NEDD9: variants seen among roughly 807,000 people sequenced by gnomAD.
NEDD9 encodes enhancer of filamentation 1.
A neutral mutation model predicts 76.6 loss-of-function variants in NEDD9; 26 were observed. That is an observed-to-expected ratio of 0.34 (90% CI 0.25 to 0.47). NEDD9 has a LOEUF of 0.47. Among genes scored for constraint, NEDD9 ranks in the 20% least tolerant of loss-of-function variants. NEDD9 has a pLI of 1.00. For missense variants in NEDD9, 937 were observed against 1,058.5 expected (o/e 0.89, Z 1.59); for synonymous variants, 392 against 414.2 (o/e 0.95, Z 0.65).
chr6:11,257,810 T>C (rs80033456), intron 3 of NEDD9, among the ~76,000 whole-genome samples: 7 of 151,292 alleles, frequency 4.6e-5, no homozygotes, highest in African/African-American at 1.7e-4. Flanking sequence ...TGTGTGTGTG[T>C]GCAGTACGGC....
chr6:11,325,021 T>C (rs1318608372), intron 2 of NEDD9, among the ~76,000 whole-genome samples: 1 of 152,194 alleles, frequency 6.6e-6, no homozygotes, highest in Non-Finnish European at 1.5e-5. Context: ...AAATTCTTCC[T>C]TACTTGTCAG....
rs1760331370 is a variant in NEDD9, at chr6:11,272,576, C to T, written c.12+33416G>A. Among the ~76,000 whole-genome samples the T allele has an allele frequency of 1.3e-5, 2 of 152,170 alleles. 1 individual carries two copies. Among genetic ancestry groups the T allele is most frequent in the South Asian group, 4.2e-4 (2 of 4,818 alleles). On this transcript the variant is annotated intron_variant, in intron 3 of 3. Transcript: ENST00000397378. ...TCATCTGATGAATTTATTTCAAGAT[C>T]GGTAACTGGGAAAATTCTCGTTTTG...
At chr6:11,312,698 A>T (rs1296379987) in intron 2 of NEDD9, among the ~76,000 whole-genome samples, 3 of 147,116 alleles carry the variant, frequency 2.0e-5, no homozygotes, top group Non-Finnish European at 4.5e-5. Context: ...TATATTATAT[A>T]TATATATATA....
intron 3 of NEDD9, among the ~76,000 whole-genome samples, chr6:11,286,033 A>G (rs1404922794): frequency 6.6e-6 from 1 of 152,208 alleles, no homozygotes; most frequent in Non-Finnish European, 1.5e-5. Context: ...TTCTAAAGAC[A>G]TTGTTATTAG....
intron 2 of NEDD9, among the ~76,000 whole-genome samples, chr6:11,312,179 CT>C (rs1561828722): frequency 2.0e-5 from 3 of 152,116 alleles, no homozygotes; most frequent in Admixed American, 1.3e-4. Context: ...CGTGATGCCC[CT>C]CTCCCACCCT....
At chr6:11,359,796 A>G (rs950003211) in intron 1 of NEDD9, among the ~76,000 whole-genome samples, 6 of 152,184 alleles carry the variant, frequency 3.9e-5, no homozygotes, top group Non-Finnish European at 4.4e-5. Flanking sequence ...TGTCATGAAG[A>G]TGTTCTCCTG....
intron 2 of NEDD9, among the ~76,000 whole-genome samples, chr6:11,204,341 T>C (rs1370154676): frequency 6.6e-6 from 1 of 152,204 alleles, no homozygotes; most frequent in African/African-American, 2.4e-5. Context: ...GAGCCACAAC[T>C]TGAAAGCTGG....
chr6:11,327,603 A>C lies in NEDD9; in HGVS notation c.-153+6898T>G, dbSNP rs554775402. Among the ~76,000 whole-genome samples the C allele has an allele frequency of 5.5e-4, 84 of 152,318 alleles. 1 individual carries two copies. Among genetic ancestry groups the C allele is most frequent in the Non-Finnish European group, 8.8e-5 (6 of 68,030 alleles). ...TATCCAGTTCTAGTCTTCTCTGATC[A>C]CCTGATAACTTCAGTGCCTCATGCT... On this transcript the variant is annotated intron_variant, in intron 2 of 3. Transcript: ENST00000397378.
intron 2 of NEDD9, among the ~76,000 whole-genome samples, chr6:11,311,280 T>TAGA (rs1398697843): frequency 6.6e-6 from 1 of 152,204 alleles, no homozygotes; most frequent in East Asian, 1.9e-4. Flanking sequence ...GAGGTCCTAC[T>TAGA]AGAGCAGGGT....
At chr6:11,195,721 G>T (rs576809184) in intron 2 of NEDD9, among the ~76,000 whole-genome samples, 3 of 152,228 alleles carry the variant, frequency 2.0e-5, no homozygotes, top group Non-Finnish European at 2.9e-5. Flanking sequence ...CATGTCGGGC[G>T]CAGTGGCTCA....
intron 2 of NEDD9, chr6:11,306,182 G>T (rs912385041): frequency 2.7e-6 from 2 of 739,162 alleles, no homozygotes; most frequent in Non-Finnish European, 4.6e-6. Context: ...GAGATGGAAA[G>T]GTTGGTAAGA....
chr6:11,216,639 A>C (rs1474961453), intron 1 of NEDD9, among the ~76,000 whole-genome samples: 4 of 152,098 alleles, frequency 2.6e-5, no homozygotes, highest in Non-Finnish European at 5.9e-5. Flanking sequence ...TAAATTGGAT[A>C]TTTGCGGTCT....
intron 3 of NEDD9, among the ~76,000 whole-genome samples, chr6:11,262,384 AC>A: frequency 6.6e-6 from 1 of 152,328 alleles, no homozygotes; most frequent in South Asian, 2.1e-4. Context: ...TGCTCTCCTT[AC>A]CACCCCATAC....
rs1759920087 is a variant in NEDD9 at position 11,251,798 on chromosome 6, GT to G, written c.13-38072del. ...TGGAGAATATTGTCCTTTTTCTGGT[GT>G]TTCTAAAAACAAATGACCCTTTGTG... On this transcript the variant is annotated intron_variant, in intron 3 of 3. Coordinates refer to the NEDD9 transcript ENST00000397378. 4 of 152,198 alleles carry G rather than the reference GT, an allele frequency of 2.6e-5. No individual in the cohort carries two copies. In the South Asian group the frequency reaches 8.3e-4, roughly 32 times the overall value. 9.4% of individuals were successfully genotyped at this position (152,198 alleles called of 1,614,324 possible).
chr6:11,270,153 C>T (rs1044917785), intron 3 of NEDD9, among the ~76,000 whole-genome samples: 2 of 152,200 alleles, frequency 1.3e-5, no homozygotes, highest in African/African-American at 4.8e-5. Flanking sequence ...AATCCACTCT[C>T]TTGTTGATAA....
intron 2 of NEDD9, among the ~76,000 whole-genome samples, chr6:11,318,834 A>C (rs1208502993): frequency 6.6e-6 from 1 of 152,234 alleles, no homozygotes; most frequent in Admixed American, 6.5e-5. Flanking sequence ...TAAAAAAAAA[A>C]AATTGTTTTA....
intron 2 of NEDD9, among the ~76,000 whole-genome samples, chr6:11,310,819 C>G (rs1170493614): frequency 6.6e-6 from 1 of 152,212 alleles, no homozygotes; most frequent in Non-Finnish European, 1.5e-5. Context: ...GTCTCCCCAC[C>G]TGCTCCACAA....
At chr6:11,358,014 C>A (rs1188565769) in intron 1 of NEDD9, among the ~76,000 whole-genome samples, 1 of 152,130 alleles carries the variant, frequency 6.6e-6, no homozygotes, top group Non-Finnish European at 1.5e-5. Context: ...CTTTGGGAGG[C>A]CAAGGCGGGC....
At chr6:11,277,930 C>G (rs954584301) in intron 3 of NEDD9, among the ~76,000 whole-genome samples, 1 of 152,100 alleles carries the variant, frequency 6.6e-6, no homozygotes, top group African/African-American at 2.4e-5. Context: ...TTTGCCTTGC[C>G]TTGCCTCTTG....
Sources: allele counts gnomAD v4.1 joint callset (sites outside exome capture counted in the v4.1 genomes callset), GRCh38; gene constraint gnomAD v4.1.1; transcripts MANE v1.5; gene names NCBI Gene and HGNC (gene_info 2026-07-23, HGNC 2026-07-21).